DCC: variants seen among roughly 807,000 people sequenced by gnomAD.
DCC encodes netrin receptor DCC.
DCC carries 58 observed loss-of-function variants against 172.5 expected under a neutral mutation model. The ratio of observed to expected loss-of-function variants is 0.34; its 90% CI spans 0.27 to 0.42. DCC has a LOEUF of 0.42. DCC is among the 10% of genes least tolerant of loss of function. The probability of loss-of-function intolerance (pLI) is 1.00; values close to 1 mark genes in which losing one functional copy is unlikely to be tolerated. For missense variants in DCC, 1,740 were observed against 1,791.0 expected, an observed-to-expected ratio of 0.97 and a Z score of 0.51; for synonymous variants, 709 against 644.5, an observed-to-expected ratio of 1.10 and a Z score of -1.52.
chr18:52,735,972 T>G (rs1367017058), intron 1 of DCC, among the ~76,000 whole-genome samples: 2 of 152,184 alleles, frequency 1.3e-5, no homozygotes, highest in Admixed American at 1.3e-4. Context: ...ATATCAAATA[T>G]TTCAATTAAT....
intron 17 of DCC, among the ~76,000 whole-genome samples, chr18:53,392,684 G>C (rs750441307): frequency 1.2e-4 from 19 of 152,156 alleles, no homozygotes; most frequent in Non-Finnish European, 2.5e-4. Flanking sequence ...AGATCAACAA[G>C]TAGTTGTCAA....
At chr18:53,403,167 C>A (rs910008355) in intron 19 of DCC, among the ~76,000 whole-genome samples, 4 of 151,128 alleles carry the variant, frequency 2.6e-5, no homozygotes, top group Non-Finnish European at 2.9e-5. Context: ...TTAGAATAGA[C>A]CTTTTTGTTT....
intron 1 of DCC, among the ~76,000 whole-genome samples, chr18:52,482,543 G>C (rs1219963941): frequency 6.6e-6 from 1 of 151,502 alleles, no homozygotes; most frequent in South Asian, 2.1e-4. Flanking sequence ...TTAGCAGATG[G>C]CCTTCTTGTA....
chr18:53,203,523 T>C (rs2055577735), intron 9 of DCC, among the ~76,000 whole-genome samples: 1 of 152,122 alleles, frequency 6.6e-6, no homozygotes, highest in Non-Finnish European at 1.5e-5. Context: ...TGTTCTGCCA[T>C]GAATAGAAAT....
intron 24 of DCC, among the ~76,000 whole-genome samples, chr18:53,464,854 C>G (rs2045599837): frequency 6.6e-6 from 1 of 151,536 alleles, no homozygotes; most frequent in African/African-American, 2.4e-5. Flanking sequence ...TGGTACATGC[C>G]TGTAATCCCA....
chr18:53,511,765 C>T (rs1007340456), intron 27 of DCC, among the ~76,000 whole-genome samples: 3 of 152,322 alleles, frequency 2.0e-5, no homozygotes, highest in Admixed American at 6.5e-5. Flanking sequence ...GCTTAAAAAA[C>T]GGCGCATCAT....
At chr18:53,018,759 T>G (rs892339168) in intron 5 of DCC, among the ~76,000 whole-genome samples, 6 of 152,140 alleles carry the variant, frequency 3.9e-5, no homozygotes, top group Non-Finnish European at 7.4e-5. Context: ...TACACCTGTT[T>G]GATGAATAAA....
intron 7 of DCC, among the ~76,000 whole-genome samples, chr18:53,107,328 T>C (rs2043263861): frequency 6.6e-6 from 1 of 151,890 alleles, no homozygotes; most frequent in Non-Finnish European, 1.5e-5. Flanking sequence ...TCTTATGTGA[T>C]AGAAGTAGAT....
At chr18:53,480,666 T>C (rs2045820858) in intron 25 of DCC, among the ~76,000 whole-genome samples, 1 of 152,110 alleles carries the variant, frequency 6.6e-6, no homozygotes, top group Admixed American at 6.6e-5. Flanking sequence ...CTTCTGACCC[T>C]GTACTCTGTT....
At chr18:53,178,715 G>A (rs565301970) in intron 8 of DCC, among the ~76,000 whole-genome samples, 24 of 152,156 alleles carry the variant, frequency 1.6e-4, no homozygotes, top group African/African-American at 5.3e-4. Flanking sequence ...AAAGACTTTC[G>A]TTTGCAAGTT....
At chr18:52,886,135 G>A (rs538764207) in intron 2 of DCC, among the ~76,000 whole-genome samples, 9 of 152,040 alleles carry the variant, frequency 5.9e-5, no homozygotes, top group South Asian at 2.1e-4. Context: ...GAAGAGGGCC[G>A]CAAGCACTCC....
At chr18:52,659,341 G>A (rs2035314483) in intron 1 of DCC, among the ~76,000 whole-genome samples, 1 of 152,144 alleles carries the variant, frequency 6.6e-6, no homozygotes, top group Non-Finnish European at 1.5e-5. Context: ...AGGGGACCAA[G>A]TAACCTAAAT....
rs1392504469 is a variant in DCC at position 52,906,024 on chromosome 18, C to T, written c.413-20C>T. 2 of 1,536,956 alleles carry T rather than the reference C, an allele frequency of 1.3e-6. No homozygotes were observed. Among genetic ancestry groups the T allele is most frequent in the South Asian group, 1.1e-5 (1 of 89,464 alleles). On this transcript the variant is annotated intron_variant, in intron 2 of 28. Transcript: ENST00000442544. ...GCTTTATTTGGAAGACTTATTCTTC[C>T]TTCTTTGTTTTTCTCCTAGGACCAC... is the stretch of plus-strand genomic sequence containing the variant.
At chr18:52,497,136 C>A (rs1671284) in intron 1 of DCC, among the ~76,000 whole-genome samples, 1 of 150,748 alleles carries the variant, frequency 6.6e-6, no homozygotes, top group African/African-American at 2.4e-5. Flanking sequence ...TGGTGCACAT[C>A]TGTAGTCCCA....
intron 1 of DCC, among the ~76,000 whole-genome samples, chr18:52,514,456 C>T (rs2031554882): frequency 6.6e-6 from 1 of 152,152 alleles, no homozygotes; most frequent in South Asian, 2.1e-4. Flanking sequence ...CCCCAGTTCT[C>T]AAACAACCAA....
At chr18:53,195,251 T>G (rs1004459037) in intron 9 of DCC, among the ~76,000 whole-genome samples, 1 of 152,338 alleles carries the variant, frequency 6.6e-6, no homozygotes, top group Non-Finnish European at 1.5e-5. Context: ...CTTTTCTATG[T>G]GATTTTGTCA....
At chr18:52,606,942 T>C (rs545784998) in intron 1 of DCC, among the ~76,000 whole-genome samples, 1 of 152,288 alleles carries the variant, frequency 6.6e-6, no homozygotes, top group South Asian at 2.1e-4. Flanking sequence ...TTTTGAAACT[T>C]CTGGAAATTG....
chr18:52,708,303 G>A (rs569571450), intron 1 of DCC, among the ~76,000 whole-genome samples: 97 of 152,096 alleles, frequency 6.4e-4, no homozygotes, highest in Non-Finnish European at 9.6e-4. Context: ...TTAGCTGGGC[G>A]TGGTGGCGGG....
intron 7 of DCC, among the ~76,000 whole-genome samples, chr18:53,095,779 G>T (rs537750890): frequency 1.4e-5 from 2 of 145,470 alleles, no homozygotes; most frequent in Non-Finnish European, 3.0e-5. Flanking sequence ...TCTAGGGATT[G>T]GGATATGGAT....
Sources: allele counts gnomAD v4.1 joint callset (sites outside exome capture counted in the v4.1 genomes callset), GRCh38; gene constraint gnomAD v4.1.1; transcripts MANE v1.5; gene names NCBI Gene and HGNC (gene_info 2026-07-23, HGNC 2026-07-21).